TENM1: variants seen among roughly 807,000 people sequenced by gnomAD.
TENM1 encodes teneurin transmembrane protein 1.
TENM1 carries 35 observed loss-of-function variants against 174.8 expected under a neutral mutation model. The ratio of observed to expected loss-of-function variants is 0.20; its 90% CI spans 0.15 to 0.27. The LOEUF is 0.27. Among genes scored for constraint, TENM1 ranks in the 10% least tolerant of loss-of-function variants. The pLI is 1.00. For missense variants in TENM1, 1,633 were observed against 2,130.1 expected (o/e 0.77, Z 4.59); for synonymous variants, 781 against 798.7 (o/e 0.98, Z 0.37).
At position 124,901,094 on chromosome X, in the gene TENM1, T is replaced by C. The variant is rs938075322; in HGVS notation, c.218-4853A>G. Among the ~76,000 whole-genome samples the C allele has an allele frequency of 7.2e-5, 8 of 111,543 alleles. No homozygotes were observed. In the Admixed American group the frequency reaches 7.6e-4, roughly 11 times the overall value. ...GGCATGAGCCACTATGCCCGACTGATGCATGATTTCTCAGTGATCTTCTAG... is the reference window on the plus strand; with the variant it reads ...GGCATGAGCCACTATGCCCGACTGACGCATGATTTCTCAGTGATCTTCTAG... On this transcript the variant is annotated intron_variant, in intron 1 of 31. Transcript: ENST00000422452.
chrX:124,586,572 G>A (rs1161498495), intron 11 of TENM1, among the ~76,000 whole-genome samples: 1 of 110,415 alleles, frequency 9.1e-6, no homozygotes, highest in African/African-American at 3.3e-5. Context: ...CAAACCCACA[G>A]CCAATATCAT....
intron 5 of TENM1, among the ~76,000 whole-genome samples, chrX:124,703,304 G>A (rs747186653): frequency 1.8e-5 from 2 of 111,728 alleles, no homozygotes; most frequent in African/African-American, 6.5e-5. Flanking sequence ...ATATGCCATT[G>A]TTTATTCTAT....
At chrX:125,164,064 G>A in the TENM1 span, among the ~76,000 whole-genome samples, 11 of 111,796 alleles carry the variant, frequency 9.8e-5, no homozygotes, top group African/African-American at 2.9e-4. Context: ...TAGTGCTTAT[G>A]TAATAATGAG....
intron 3 of TENM1, among the ~76,000 whole-genome samples, chrX:124,840,752 T>C (rs1672486563): frequency 8.9e-6 from 1 of 112,083 alleles, no homozygotes; most frequent in South Asian, 3.7e-4. Context: ...TAATCAGTAC[T>C]CAACTGCCTA....
intron 15 of TENM1, among the ~76,000 whole-genome samples, chrX:124,543,243 A>G (rs950485934): frequency 3.6e-5 from 4 of 112,392 alleles, no homozygotes; most frequent in African/African-American, 1.3e-4. Flanking sequence ...TGGAGAAGGA[A>G]GATATTCTGA....
chrX:125,056,048 T>G, the TENM1 span, among the ~76,000 whole-genome samples: 1,364 of 111,330 alleles, frequency 0.012, 7 homozygotes, highest in Non-Finnish European at 0.021. Context: ...GCAATCAATG[T>G]TTTTCCTAGT....
rs1424941675 is a variant in TENM1, at chrX:124,646,492, G to A, written c.1681+217C>T. On this transcript the variant is annotated intron_variant, in intron 9 of 31. Coordinates refer to ENST00000422452, the Ensembl canonical transcript of TENM1. ...GATAATAGCAGACCTATCTCATAGG[G>A]CTATTGTAGGAAGTTGGAATTAAAA... is the stretch of plus-strand genomic sequence containing the variant. Among the ~76,000 whole-genome samples, 7 of 112,112 alleles carry A rather than the reference G, an allele frequency of 6.2e-5. No homozygotes were observed. In the East Asian group the frequency reaches 2.0e-3, roughly 32 times the overall value.
At chrX:124,774,529 T>A (rs1052483904) in intron 3 of TENM1, among the ~76,000 whole-genome samples, 4 of 111,138 alleles carry the variant, frequency 3.6e-5, no homozygotes, top group Admixed American at 9.5e-5. Flanking sequence ...TCTGAAAAAA[T>A]TTTCAGATTC....
chrX:124,868,613 A>T (rs1472274156), intron 3 of TENM1, among the ~76,000 whole-genome samples: 1 of 111,523 alleles, frequency 9.0e-6, no homozygotes, highest in Admixed American at 9.5e-5. Context: ...AGGCAACCAC[A>T]GCAAAAATGG....
intron 27 of TENM1, among the ~76,000 whole-genome samples, chrX:124,396,586 G>A (rs990327266): frequency 5.4e-5 from 6 of 110,816 alleles, no homozygotes; most frequent in African/African-American, 1.6e-4. Context: ...TTACAGGCAT[G>A]AGCCACCACG....
At chrX:124,607,303 T>A in intron 11 of TENM1, among the ~76,000 whole-genome samples, 1 of 110,197 alleles carries the variant, frequency 9.1e-6, no homozygotes, top group Non-Finnish European at 1.9e-5. Flanking sequence ...TGAAGAAAAT[T>A]AAAGTAGGGT....
chrX:124,392,621 TG>T (rs750249769), intron 27 of TENM1, among the ~76,000 whole-genome samples: 36 of 112,160 alleles, frequency 3.2e-4, no homozygotes, highest in Non-Finnish European at 5.3e-4. Context: ...AAGCCTTAAG[TG>T]CAGTGCCACA....
At chrX:124,726,745 C>T (rs1381722612) in intron 4 of TENM1, among the ~76,000 whole-genome samples, 1 of 111,519 alleles carries the variant, frequency 9.0e-6, no homozygotes, top group African/African-American at 3.3e-5. Context: ...TAGAAAAAAA[C>T]TACTTATAAA....
At chrX:125,006,410 C>T in the TENM1 span, among the ~76,000 whole-genome samples, 1 of 111,869 alleles carries the variant, frequency 8.9e-6, no homozygotes, top group East Asian at 2.8e-4. Context: ...GACAGAGCAC[C>T]TGTGGGGAGG....
intron 1 of TENM1, among the ~76,000 whole-genome samples, chrX:124,921,467 T>C (rs1391502749): frequency 9.0e-6 from 1 of 111,689 alleles, no homozygotes; most frequent in East Asian, 2.8e-4. Flanking sequence ...ACATGCATGT[T>C]TCCTTAAGAT....
intron 5 of TENM1, among the ~76,000 whole-genome samples, chrX:124,692,732 C>T (rs2052554507): frequency 9.1e-6 from 1 of 109,450 alleles, no homozygotes; most frequent in South Asian, 3.9e-4. Flanking sequence ...TCTGGCCGGG[C>T]ACGGTGGCTC....
the TENM1 span, among the ~76,000 whole-genome samples, chrX:125,002,927 T>C: frequency 8.9e-6 from 1 of 111,983 alleles, no homozygotes; most frequent in Non-Finnish European, 1.9e-5. Context: ...ATGGGATTTG[T>C]TAAATGGGAT....
At chrX:124,907,581 C>T (rs1033931638) in intron 1 of TENM1, among the ~76,000 whole-genome samples, 6 of 111,611 alleles carry the variant, frequency 5.4e-5, no homozygotes, top group Non-Finnish European at 9.4e-5. Context: ...GAATGCATGT[C>T]ATTTATTTCC....
the TENM1 span, among the ~76,000 whole-genome samples, chrX:125,025,853 A>T: frequency 4.5e-5 from 5 of 111,518 alleles, no homozygotes; most frequent in Non-Finnish European, 9.4e-5. Flanking sequence ...ATGGGAATTT[A>T]AAAAAAATTA....
Sources: allele counts gnomAD v4.1 joint callset (sites outside exome capture counted in the v4.1 genomes callset), GRCh38; gene constraint gnomAD v4.1.1; transcripts MANE v1.5; gene names NCBI Gene and HGNC (gene_info 2026-07-23, HGNC 2026-07-21).